Variants in CASP2 observed in about 807,000 individuals in gnomAD.
CASP2 encodes the protein caspase 2.
In CASP2, 38 loss-of-function variants were observed where a neutral mutation model predicts 54.4. The ratio of observed to expected loss-of-function variants is 0.70; its 90% CI spans 0.54 to 0.92. The LOEUF (loss-of-function observed/expected upper bound fraction) is 0.92. Among genes scored for constraint, CASP2 ranks in the 40% least tolerant of loss-of-function variants. The probability of loss-of-function intolerance (pLI) is 0.00; values close to 1 mark genes in which losing one functional copy is unlikely to be tolerated. For synonymous variants in CASP2, 215 were observed against 216.3 expected (o/e 0.99, Z 0.05); for missense variants, 512 against 579.6 (o/e 0.88, Z 1.20).
rs369247075 is a variant in CASP2 at position 143,288,563 on chromosome 7, G to A, written c.74+34G>A. ...GGAACGGTCTTAGGGCTCCTTAGGG[G>A]AGCCCAGGGAAGGGGAGCGTGGCCC... On this transcript the variant is annotated intron_variant, in intron 1 of 10. Coordinates refer to ENST00000310447, the MANE Select transcript of CASP2 (RefSeq NM_032982.4). The A allele has an allele frequency of 5.1e-6, 8 of 1,582,570 alleles. No homozygotes were observed. In the African/African-American group the frequency reaches 8.1e-5, roughly 16 times the overall value.
intron 9 of CASP2, 130 bp downstream of exon 9, chr7:143,304,063 T>A: frequency 1.1e-6 from 1 of 897,068 alleles, no homozygotes; most frequent in Non-Finnish European, 1.8e-6. Context: ...GATTTTGGAT[T>A]TTTTTGTTTT....
At chr7:143,290,209 C>T (rs1427045147) in intron 1 of CASP2, among the ~76,000 whole-genome samples, 1 of 151,910 alleles carries the variant, frequency 6.6e-6, no homozygotes, top group Admixed American at 6.6e-5. Flanking sequence ...TACAGGCATG[C>T]AGCACCACAC....
chr7:143,297,566 C>T (rs1444664061), intron 6 of CASP2, among the ~76,000 whole-genome samples: 1 of 152,218 alleles, frequency 6.6e-6, no homozygotes, highest in Non-Finnish European at 1.5e-5. Flanking sequence ...CCTGTCTCAG[C>T]CTCCTGAGTA....
At chr7:143,300,145 G>C in intron 7 of CASP2, 59 bp from the exon 8 acceptor site, 1 of 1,611,482 alleles carries the variant, frequency 6.2e-7, no homozygotes. Context: ...TGCATGTGTA[G>C]GACTTAGGAG....
In CASP2 at chr7:143,305,029, G is replaced by A. The variant is rs2116810329; in HGVS notation, c.1317G>A (p.Leu439=). ...CKEMSEYCST[L]CRHLYLFPGH... ...AGATGTCTGAATACTGCAGCACTCT[G>A]TGCCGCCACCTCTACCTGTTCCCAG... The change falls in exon 11 of 11, where the codon CTG becomes CTA. Residue 439 remains leucine, a synonymous_variant. Transcript: ENST00000310447. 1.2e-6 allele frequency: 2 copies of A among 1,614,182 alleles called. No individual in the cohort carries two copies. The highest frequency in any genetic ancestry group is 1.7e-6 in the Non-Finnish European group (2 of 1,180,026).
Position 143,305,170 on chromosome 7 carries a change from C to A in CASP2, c.*99C>A. The A allele has an allele frequency of 1.4e-6, 2 of 1,476,224 alleles. No individual in the cohort carries two copies. The highest frequency in any genetic ancestry group is 1.2e-5 in the South Asian group (1 of 86,514). The allele number at this position is 1,476,224 out of a possible 1,614,324, so 91.4% of individuals were successfully genotyped here. ...AGGATGCACGGTTTCTGTTCTGCCC[C>A]CTCAGGGATGTGGGAATCTCCCAGA... On this transcript the variant is annotated 3_prime_UTR_variant, in exon 11 of 11. Transcript: ENST00000310447.
chr7:143,288,652 C>T (rs983896272), intron 1 of CASP2, 123 bp downstream of exon 1: 2 of 942,320 alleles, frequency 2.1e-6, no homozygotes, highest in Non-Finnish European at 3.2e-6. Flanking sequence ...GTCCGCGCTT[C>T]CTGCCAAGGG....
rs1801989963 is a variant in CASP2 at position 143,303,791 on chromosome 7, T to C, written c.975T>C (p.Thr325=). 1.9e-6 allele frequency: 3 copies of C among 1,613,842 alleles called. No individual in the cohort carries two copies. Among genetic ancestry groups the C allele is most frequent in the Non-Finnish European group, 2.5e-6 (3 of 1,179,904 alleles). The change falls in exon 9 of 11, where the codon ACT becomes ACC. Residue 325 remains threonine, a synonymous_variant. Transcript: ENST00000310447. The part of the protein sequence containing the change: ...FFIQACRGDE[T]DRGVDQQDGK... ...TGTCTGCCTTTGTTACAGATGAGAC[T>C]GATCGTGGGGTTGACCAACAAGATG...
intron 4 of CASP2, chr7:143,293,004 C>T (rs1586455657): frequency 1.7e-6 from 1 of 597,706 alleles, no homozygotes; most frequent in East Asian, 2.8e-5. Context: ...GAGTGAGACT[C>T]AGTCTCAAAA....
chr7:143,300,411 G>A (rs750095620), intron 8 of CASP2, 117 bp downstream of exon 8: 1 of 1,598,686 alleles, frequency 6.3e-7, no homozygotes, highest in Non-Finnish European at 8.5e-7. Context: ...ACCTCCTTCT[G>A]TTCACTGCTG....
rs1393167669 is a variant in CASP2 at position 143,303,697 on chromosome 7, T to G, written c.968-87T>G. On this transcript the variant is annotated intron_variant, in intron 8 of 10. Coordinates refer to ENST00000310447, the MANE Select transcript of CASP2 (RefSeq NM_032982.4). ...GGAAATGGCTCTTCCCCTTCAAGGT[T>G]GTAGGGAACGTGGGCTTGCCTGTGA... 9.0e-6 allele frequency: 11 copies of G among 1,216,564 alleles called. No homozygotes were observed. The African/African-American group carries it at 1.5e-4, about 16-fold the overall frequency. The allele number at this position is 1,216,564 out of a possible 1,614,324, so 75.4% of individuals were successfully genotyped here.
chr7:143,303,861 G>C lies in CASP2; in HGVS notation c.1045G>C (p.Gly349Arg), dbSNP rs141466335. The C allele has an allele frequency of 4.3e-6, 7 of 1,613,446 alleles. No individual in the cohort carries two copies. The African/African-American group carries it at 9.4e-5, about 22-fold the overall frequency. ...GSPGCEESDAGKEKLPKMRLP... is the reference protein window; with the variant it reads ...GSPGCEESDARKEKLPKMRLP... ...CCCTGGGTGCGAGGAGAGTGATGCC[G>C]GTAAAGAAAAGTTGCCGAAGATGAG... The change falls in exon 9 of 11, where the codon GGT (glycine) becomes CGT (arginine). Residue 349 changes from glycine to arginine, a missense_variant. Gly to Arg is a moderately radical substitution (Grantham distance 125, BLOSUM62 -2). Around this residue, in one of 3 missense-constraint regions of CASP2, gnomAD observed 417 missense variants for 495.4 expected, o/e 0.84. Coordinates refer to ENST00000310447, the MANE Select transcript of CASP2 (RefSeq NM_032982.4).
At chr7:143,304,605 C>G (rs1292594562) in intron 9 of CASP2, 69 bp from the exon 10 acceptor site, 14 of 1,140,106 alleles carry the variant, frequency 1.2e-5, no homozygotes, top group African/African-American at 3.0e-5. Flanking sequence ...GTGTCATGGC[C>G]GAGTCTAGTT....
Position 143,300,206 on chromosome 7 carries a change from C to T in CASP2, c.879C>T (p.Leu293=). Residue 293 remains leucine (L), a splice_region_variant and synonymous_variant, in exon 8 of 11, where the codon CTC becomes CTT. Transcript: ENST00000310447. ...TCTTCCTTCTTTCTTTCTGGCAGCT[C>T]CAAGAGGTTTTTCAGCTCTTTGACA... The part of the protein sequence containing the change: ...IYGVDGKLLQ[L]QEVFQLFDNA... 6.2e-7 allele frequency: 1 copy of T among 1,614,146 alleles called. No homozygotes were observed. Among genetic ancestry groups the T allele is most frequent in the Non-Finnish European group, 8.5e-7 (1 of 1,180,028 alleles).
intron 8 of CASP2, chr7:143,300,536 A>T: frequency 6.5e-7 from 1 of 1,546,960 alleles, no homozygotes; most frequent in Non-Finnish European, 8.7e-7. Context: ...TCCTGTTTTC[A>T]GGTCTCTTAT....
intron 5 of CASP2, 89 bp downstream of exon 5, chr7:143,294,413 C>G (rs1801681520): frequency 9.3e-7 from 1 of 1,075,482 alleles, no homozygotes; most frequent in South Asian, 1.3e-5. Flanking sequence ...TGTACATTTC[C>G]TTTCTGCCTT....
chr7:143,305,656 C>G lies in CASP2; in HGVS notation c.*585C>G. The G allele has an allele frequency of 2.4e-5, 4 of 169,420 alleles. No individual in the cohort carries two copies. The highest frequency in any genetic ancestry group is 5.4e-5 in the Admixed American group (1 of 18,350). 10.5% of individuals were successfully genotyped at this position (169,420 alleles called of 1,614,324 possible). On this transcript the variant is annotated 3_prime_UTR_variant, in exon 11 of 11. Coordinates refer to ENST00000310447, the MANE Select transcript of CASP2 (RefSeq NM_032982.4). ...TTCCCTTCAGTACTGCAGCGCCACC[C>G]AGTGGAAGGACACTCTTGGCTCGTT...
intron 8 of CASP2, chr7:143,302,792 A>G (rs1801952199): frequency 6.6e-6 from 1 of 152,134 alleles, no homozygotes. Flanking sequence ...CCACACCCAA[A>G]ATAAAACAAC....
chr7:143,300,518 C>T lies in CASP2; in HGVS notation c.967+224C>T. 4.5e-6 allele frequency: 7 copies of T among 1,572,900 alleles called. No homozygotes were observed. The South Asian group carries it at 6.8e-5, about 15-fold the overall frequency. ...CTCAGGCTGGTCAGCTCTCCGTGCA[C>T]CACCATATCCTGTTTTCAGGTCTCT... is the stretch of plus-strand genomic sequence containing the variant. On this transcript the variant is annotated intron_variant, in intron 8 of 10. Coordinates refer to ENST00000310447, the MANE Select transcript of CASP2 (RefSeq NM_032982.4).
Sources: gnomAD v4.1 joint callset for allele counts (sites outside exome capture counted in the v4.1 genomes callset) on GRCh38, gnomAD v4.1.1 for gene constraint, gnomAD v4.1.1 regional missense constraint, MANE v1.5 for transcripts, NCBI Gene and HGNC (gene_info 2026-07-23, HGNC 2026-07-21) for gene names.